Variants in CAPRIN2 observed in about 807,000 individuals in gnomAD.
The protein encoded by CAPRIN2 is caprin family member 2.
A neutral mutation model predicts 130.4 loss-of-function variants in CAPRIN2; 66 were observed. That is an observed-to-expected ratio of 0.51 (90% CI 0.42 to 0.62). The LOEUF is 0.62. Among genes scored for constraint, CAPRIN2 ranks in the 20% least tolerant of loss-of-function variants. The pLI is 0.00. For synonymous variants in CAPRIN2, 471 were observed against 444.1 expected (o/e 1.06, Z -0.76); for missense variants, 1,185 against 1,246.6 (o/e 0.95, Z 0.74).
chr12:30,748,793 TTATACTTAGTAAATC>T (rs1240293525), intron 2 of CAPRIN2, among the ~76,000 whole-genome samples: 2 of 152,200 alleles, frequency 1.3e-5, no homozygotes, highest in East Asian at 3.8e-4. Context: ...AACATTCATT[TTATACTTAGTAAATC>T]TATATGTAAT....
exon 8 of CAPRIN2, chr12:30,729,243 C>G: frequency 6.2e-7 from 1 of 1,611,776 alleles, no homozygotes; most frequent in Non-Finnish European, 8.5e-7. Flanking sequence ...ATTTGGTTTT[C>G]TAGCATAATC....
In CAPRIN2 at chr12:30,725,955, A is replaced by G; in HGVS notation, c.1905+11T>C. On this transcript the variant is annotated intron_variant, in intron 9 of 16. Coordinates refer to ENST00000298892, the Ensembl canonical transcript of CAPRIN2. ...ATGAATATCATTTAAGATTTTGTAA[A>G]TGACTCATACTTGCATAAAGTTACA... is the stretch of plus-strand genomic sequence containing the variant. 6.5e-7 allele frequency: 1 copy of G among 1,549,994 alleles called. No homozygotes were observed.
intron 2 of CAPRIN2, among the ~76,000 whole-genome samples, chr12:30,748,842 T>C (rs1185268333): frequency 1.3e-5 from 2 of 152,216 alleles, no homozygotes; most frequent in Non-Finnish European, 2.9e-5. Context: ...ACCTACTACA[T>C]GCTACACTCT....
intron 5 of CAPRIN2, among the ~76,000 whole-genome samples, chr12:30,732,156 G>T (rs540097964): frequency 6.6e-6 from 1 of 152,094 alleles, no homozygotes; most frequent in East Asian, 1.9e-4. Context: ...TATGCTGTTT[G>T]TCCTTCCTAC....
intron 3 of CAPRIN2, among the ~76,000 whole-genome samples, chr12:30,737,598 C>CTTTTT (rs11304850): frequency 1.5e-5 from 2 of 131,244 alleles, no homozygotes; most frequent in Non-Finnish European, 3.2e-5. Flanking sequence ...AACTGGTTTT[C>CTTTTT]TTTTTTTTTT....
chr12:30,734,059 T>C (rs2063616793), intron 4 of CAPRIN2, among the ~76,000 whole-genome samples: 1 of 152,212 alleles, frequency 6.6e-6, no homozygotes, highest in African/African-American at 2.4e-5. Flanking sequence ...AAGAGCCGCA[T>C]TTGACTTTAA....
Position 30,753,526 on chromosome 12 carries a change from CCT to C in CAPRIN2, c.236_237del (p.Glu79GlyfsTer40), listed in dbSNP as rs757467866. On this transcript the variant is annotated frameshift_variant, in exon 1 of 17. Transcript: ENST00000298892. LOFTEE classifies it high-confidence loss of function. ...TGGGGCTTGGCTGACTTCATATTCC[CCT>C]CTCTTTCCTCCTCTGAATGGCCTGA... 7.1e-5 allele frequency: 115 copies of C among 1,614,160 alleles called. No individual in the cohort carries two copies. In the African/African-American group the frequency reaches 1.3e-3, roughly 18 times the overall value.
chr12:30,721,873 A>G (rs1227845150), intron 11 of CAPRIN2, among the ~76,000 whole-genome samples: 2 of 152,194 alleles, frequency 1.3e-5, no homozygotes, highest in African/African-American at 4.8e-5. Context: ...CCTTTAGAAC[A>G]TTTTATATTA....
At chr12:30,720,865 G>A (rs761991032) in exon 12 of CAPRIN2, 50 of 1,613,612 alleles carry the variant, frequency 3.1e-5, no homozygotes, top group East Asian at 8.9e-5. Context: ...AAGCCTGATC[G>A]GTAGTAACCA....
At chr12:30,712,247 T>C (rs1029834914) in intron 15 of CAPRIN2, among the ~76,000 whole-genome samples, 36 of 152,170 alleles carry the variant, frequency 2.4e-4, no homozygotes, top group Non-Finnish European at 4.7e-4. Context: ...GTAATTATTA[T>C]ATGCAATAAA....
intron 2 of CAPRIN2, among the ~76,000 whole-genome samples, chr12:30,747,092 C>G (rs2070911369): frequency 6.6e-6 from 1 of 152,158 alleles, no homozygotes; most frequent in Non-Finnish European, 1.5e-5. Flanking sequence ...TCCTAGGACC[C>G]TTAAGACTCA....
rs751418951 is a variant in CAPRIN2 at position 30,733,592 on chromosome 12, G to A, written c.892+37C>T. On this transcript the variant is annotated intron_variant, in intron 5 of 16. Transcript: ENST00000298892. ...ACTAAACTTCTAGACATAAAGTTTA[G>A]TATTTACTGCATAAGTCCAGAGTAG... 3 of 1,369,542 alleles carry A rather than the reference G, an allele frequency of 2.2e-6. No homozygotes were observed. The East Asian group carries it at 6.9e-5, about 31-fold the overall frequency. 84.8% of individuals were successfully genotyped at this position (1,369,542 alleles called of 1,614,324 possible).
At chr12:30,753,549 C>T (rs1045188260) in exon 1 of CAPRIN2, 2 of 1,614,038 alleles carry the variant, frequency 1.2e-6, no homozygotes, top group Non-Finnish European at 1.7e-6. Context: ...CTCTGAATGG[C>T]CTGAAGGTGA....
intron 13 of CAPRIN2, 72 bp from the exon 16 acceptor site, chr12:30,715,213 T>C (rs751713074): frequency 4.9e-6 from 6 of 1,217,586 alleles, no homozygotes; most frequent in Non-Finnish European, 5.9e-6. Flanking sequence ...AGCCAATATA[T>C]ATCAAAATCA....
At chr12:30,738,727 A>C (rs373278795) in intron 3 of CAPRIN2, among the ~76,000 whole-genome samples, 52 of 152,348 alleles carry the variant, frequency 3.4e-4, no homozygotes, top group African/African-American at 1.2e-3. Flanking sequence ...TAAACATTAA[A>C]AAATGGGCAA....
rs1008041803 is a variant in CAPRIN2, at chr12:30,751,184, C to A, written c.421-51G>T. The A allele has an allele frequency of 2.1e-6, 3 of 1,431,816 alleles. No homozygotes were observed. In the Admixed American group the frequency reaches 5.0e-5, roughly 24 times the overall value. The allele number at this position is 1,431,816 out of a possible 1,614,324, so 88.7% of individuals were successfully genotyped here. On this transcript the variant is annotated intron_variant, in intron 1 of 16. Coordinates refer to ENST00000298892, the Ensembl canonical transcript of CAPRIN2. ...CATAGTCTGACATAAAATTCAGAAG[C>A]AAATAAAGTAAATGCCAGATCTTGT...
intron 2 of CAPRIN2, among the ~76,000 whole-genome samples, chr12:30,748,708 C>T (rs1479406179): frequency 1.3e-5 from 2 of 151,904 alleles, no homozygotes; most frequent in African/African-American, 4.8e-5. Flanking sequence ...AATTTTCTAC[C>T]TTATATATTG....
At chr12:30,739,714 C>CA (rs370274976) in intron 3 of CAPRIN2, among the ~76,000 whole-genome samples, 34,585 of 113,510 alleles carry the variant, frequency 0.3, 4,740 homozygotes, top group African/African-American at 0.4. Context: ...GACTCCGTCT[C>CA]AAAAAAAAAA....
intron 3 of CAPRIN2, 91 bp from the exon 5 acceptor site, chr12:30,735,297 A>G: frequency 1.1e-6 from 1 of 917,950 alleles, no homozygotes; most frequent in Non-Finnish European, 1.8e-6. Context: ...CAAATAGCTG[A>G]GATTAGATGA....
Sources: allele counts gnomAD v4.1 joint callset (sites outside exome capture counted in the v4.1 genomes callset), GRCh38; gene constraint gnomAD v4.1.1; transcripts MANE v1.5; gene names NCBI Gene and HGNC (gene_info 2026-07-23, HGNC 2026-07-21).